ULBP1: variants seen among roughly 807,000 people sequenced by gnomAD.
ULBP1 encodes UL16 binding protein 1, also known as UL16-binding protein 1.
In ULBP1, 28 loss-of-function variants were observed where a neutral mutation model predicts 25.3. That is an observed-to-expected ratio of 1.10 (90% CI 0.82 to 1.51). The LOEUF (loss-of-function observed/expected upper bound fraction) is 1.51, where lower values mean the gene tolerates loss of function less well. Ranked by LOEUF, ULBP1 falls within the 40% of genes most tolerant of loss-of-function variation. The pLI, the probability that ULBP1 is intolerant of heterozygous loss-of-function variation, is 0.00. For synonymous variants in ULBP1, 129 were observed against 103.0 expected, an observed-to-expected ratio of 1.25 and a Z score of -1.53; for missense variants, 348 against 290.9, an observed-to-expected ratio of 1.20 and a Z score of -1.43.
rs575148535 is a variant in ULBP1 at position 149,972,662 on chromosome 6, C to G, written c.*1316C>G. On this transcript the variant is annotated 3_prime_UTR_variant, in exon 5 of 5. Transcript: ENST00000229708. ...CAAGGAACTTAAACAATTCAACAAG[C>G]AAGAAGAAAAAACCCAATTAAAATT... 2.0e-5 allele frequency: 3 copies of G among 152,196 alleles called. No homozygotes were observed. The highest frequency in any genetic ancestry group is 4.8e-5 in the African/African-American group (2 of 41,532). The allele number at this position is 152,196 out of a possible 1,614,324, so 9.4% of individuals were successfully genotyped here.
In ULBP1 at chr6:149,973,561, C is replaced by T. The variant is rs1779357143; in HGVS notation, c.*2215C>T. On this transcript the variant is annotated 3_prime_UTR_variant, in exon 5 of 5. Transcript: ENST00000229708. ...AGCGAGAGAACTCTGCACTATGAAC[C>T]CAAACCCAGCTCAAAAAGATAAAAT... 6.6e-6 allele frequency: 1 copy of T among 151,940 alleles called. No homozygotes were observed. Among genetic ancestry groups the T allele is most frequent in the Non-Finnish European group, 1.5e-5 (1 of 67,988 alleles). 9.4% of individuals were successfully genotyped at this position (151,940 alleles called of 1,614,324 possible).
intron 1 of ULBP1, 123 bp downstream of exon 1, chr6:149,964,257 G>T: frequency 9.0e-7 from 1 of 1,115,280 alleles, no homozygotes; most frequent in Non-Finnish European, 1.3e-6. Context: ...AACGAACATC[G>T]CGGTCTCCCC....
At position 149,968,236 on chromosome 6, in the gene ULBP1, A is replaced by T. The variant is rs555080620; in HGVS notation, c.86-371A>T. Among the ~76,000 whole-genome samples the T allele has an allele frequency of 2.0e-5, 3 of 151,544 alleles. No homozygotes were observed. The East Asian group carries it at 5.8e-4, about 30-fold the overall frequency. ...GAGCATCCCAGGGCAGCTCCCACACACTCTCCCACCTCCTGCAGTCCACAT... is the reference window on the plus strand; with the variant it reads ...GAGCATCCCAGGGCAGCTCCCACACTCTCTCCCACCTCCTGCAGTCCACAT... On this transcript the variant is annotated intron_variant, in intron 1 of 4. Coordinates refer to ENST00000229708, the MANE Select transcript of ULBP1 (RefSeq NM_025218.4).
rs933499465 is a variant in ULBP1, at chr6:149,972,426, C to T, written c.*1080C>T. ...ATCCTGGAATATAACCTAAGAAATACCAATGTGGACATAGGGCCTGGCAAA... is the reference window on the plus strand; with the variant it reads ...ATCCTGGAATATAACCTAAGAAATATCAATGTGGACATAGGGCCTGGCAAA... On this transcript the variant is annotated 3_prime_UTR_variant, in exon 5 of 5. Transcript: ENST00000229708. The T allele has an allele frequency of 1.6e-4, 24 of 152,108 alleles. No individual in the cohort carries two copies. The highest frequency in any genetic ancestry group is 5.8e-4 in the African/African-American group (24 of 41,486). The allele number at this position is 152,108 out of a possible 1,614,324, so 9.4% of individuals were successfully genotyped here. A position where few individuals can be genotyped will look rare whatever the true frequency, so the allele number is the denominator to read the frequency against.
At chr6:149,968,523 A>G (rs1779243504) in intron 1 of ULBP1, 84 bp from the exon 2 acceptor site, 2 of 1,521,278 alleles carry the variant, frequency 1.3e-6, no homozygotes, top group Non-Finnish European at 1.8e-6. Flanking sequence ...AGAGGCCTTC[A>G]CTTGCAGTCA....
intron 1 of ULBP1, 131 bp downstream of exon 1, chr6:149,964,265 C>CCCGAACGTCGCGGTCCCT: frequency 1.9e-6 from 2 of 1,027,768 alleles, no homozygotes; most frequent in South Asian, 1.6e-5. Flanking sequence ...TCGCGGTCTC[C>CCCGAACGTCGCGGTCCCT]CCGAACGTCG....
At chr6:149,964,646 C>G (rs1779165311) in intron 1 of ULBP1, among the ~76,000 whole-genome samples, 1 of 149,036 alleles carries the variant, frequency 6.7e-6, no homozygotes, top group African/African-American at 2.5e-5. Flanking sequence ...TCTCGCCGAA[C>G]ATGCCCGGCT....
intron 3 of ULBP1, 46 bp from the exon 4 acceptor site, chr6:149,969,970 A>G (rs1779284220): frequency 6.4e-7 from 1 of 1,572,252 alleles, no homozygotes; most frequent in African/African-American, 1.3e-5. Context: ...ATCCCCTAAG[A>G]TTTTGAGCCT....
At chr6:149,968,493 G>C (rs867325974) in intron 1 of ULBP1, 114 bp from the exon 2 acceptor site, 22 of 1,398,328 alleles carry the variant, frequency 1.6e-5, no homozygotes, top group Admixed American at 4.5e-5. Flanking sequence ...GCATGTCTTG[G>C]TCTGCCAGCC....
At position 149,969,081 on chromosome 6, in the gene ULBP1, G is replaced by A. The variant is rs757302749; in HGVS notation, c.350-4G>A. On this transcript the variant is annotated splice_region_variant and splice_polypyrimidine_tract_variant and intron_variant, in intron 2 of 4. Coordinates refer to ENST00000229708, the MANE Select transcript of ULBP1 (RefSeq NM_025218.4). ...TCAGAGCTGATCTCTTTGCAATGGG[G>A]CAGAGCCCCTCACCCTGCAGGCCAG... 8 of 1,613,826 alleles carry A rather than the reference G, an allele frequency of 5.0e-6. No individual in the cohort carries two copies. The highest frequency in any genetic ancestry group is 4.4e-5 in the South Asian group (4 of 91,046).
Position 149,968,465 on chromosome 6 carries a change from A to G in ULBP1, c.86-142A>G, listed in dbSNP as rs1206587787. 5 of 1,158,498 alleles carry G rather than the reference A, an allele frequency of 4.3e-6. No homozygotes were observed. In the East Asian group the frequency reaches 1.2e-4, roughly 28 times the overall value. 71.8% of individuals were successfully genotyped at this position (1,158,498 alleles called of 1,614,324 possible). A position where few individuals can be genotyped will look rare whatever the true frequency, so the allele number is the denominator to read the frequency against. On this transcript the variant is annotated intron_variant, in intron 1 of 4. Coordinates refer to ENST00000229708, the MANE Select transcript of ULBP1 (RefSeq NM_025218.4). ...ACGCTCTAGTCATTAACTAGTTTTC[A>G]TGACAGTCCTGGCTGGGGCATGTCT...
chr6:149,970,410 A>AT (rs1779293785), intron 4 of ULBP1, among the ~76,000 whole-genome samples: 1 of 152,216 alleles, frequency 6.6e-6, no homozygotes, highest in South Asian at 2.1e-4. Context: ...GGTTTAACCA[A>AT]TTCAGGCCTG....
chr6:149,967,015 C>T (rs1394746428), intron 1 of ULBP1, among the ~76,000 whole-genome samples: 6 of 152,206 alleles, frequency 3.9e-5, no homozygotes, highest in Non-Finnish European at 8.8e-5. Flanking sequence ...TGCATCCCAG[C>T]TACAAGAGCA....
chr6:149,967,576 T>C (rs1164005942), intron 1 of ULBP1, among the ~76,000 whole-genome samples: 1 of 152,246 alleles, frequency 6.6e-6, no homozygotes, highest in Non-Finnish European at 1.5e-5. Context: ...TATTTATATC[T>C]AGCAGTATCC....
intron 1 of ULBP1, 33 bp from the exon 2 acceptor site, chr6:149,968,574 A>C (rs754280942): frequency 6.3e-7 from 1 of 1,580,236 alleles, no homozygotes; most frequent in South Asian, 1.2e-5. Context: ...ATTTCCCCCC[A>C]CACCAACCCC....
intron 4 of ULBP1, among the ~76,000 whole-genome samples, chr6:149,971,065 C>T (rs1779308157): frequency 6.6e-6 from 1 of 152,214 alleles, no homozygotes; most frequent in Admixed American, 6.5e-5. Context: ...AGGGTTCCCC[C>T]AGGTCCTCTA....
chr6:149,964,869 CCCCCCGAACATCGCGGTA>C (rs1472625814), intron 1 of ULBP1, among the ~76,000 whole-genome samples: 11 of 142,106 alleles, frequency 7.7e-5, no homozygotes, highest in Non-Finnish European at 1.5e-4. Flanking sequence ...ACATCGCGGT[CCCCCCGAACATCGCGGTA>C]CCCCCGAACA....
chr6:149,967,122 G>A (rs1779217776), intron 1 of ULBP1, among the ~76,000 whole-genome samples: 1 of 152,198 alleles, frequency 6.6e-6, no homozygotes, highest in Non-Finnish European at 1.5e-5. Flanking sequence ...AGAAATCCAG[G>A]AAATGTGAAA....
rs774504198 is a variant in ULBP1 at position 149,970,034 on chromosome 6, C to A, written c.644C>A (p.Pro215Gln). The change falls in exon 4 of 5, where the codon CCA becomes CAA. Residue 215 changes from proline to glutamine, a missense_variant. Coordinates refer to ENST00000229708, the MANE Select transcript of ULBP1 (RefSeq NM_025218.4). ...LDPTKPPSLA[P>Q]GTTQPKAMAT... Reference sequence around the variant, plus strand: ...ATTTCAGAACCACCCTCTCTGGCCCCAGGCACAACCCAACCCAAGGCCATG... The same window carrying A: ...ATTTCAGAACCACCCTCTCTGGCCCAAGGCACAACCCAACCCAAGGCCATG... 4 of 1,613,074 alleles carry A rather than the reference C, an allele frequency of 2.5e-6. No individual in the cohort carries two copies. The highest frequency in any genetic ancestry group is 1.6e-4 in the Middle Eastern group (1 of 6,062).
Sources: gnomAD v4.1 joint callset for allele counts (sites outside exome capture counted in the v4.1 genomes callset) on GRCh38, gnomAD v4.1.1 for gene constraint, MANE v1.5 for transcripts, NCBI Gene and HGNC (gene_info 2026-07-23, HGNC 2026-07-21) for gene names.